SCAPER: variants seen among roughly 807,000 people sequenced by gnomAD.
SCAPER encodes the protein S-phase cyclin A associated protein in the ER.
Under a neutral mutation model 182.2 loss-of-function variants are expected in SCAPER, and 98 were observed. That is an observed-to-expected ratio of 0.54 (90% confidence interval 0.46 to 0.64). SCAPER has a LOEUF of 0.64. Among genes scored for constraint, SCAPER ranks in the 30% least tolerant of loss-of-function variants. SCAPER has a pLI of 0.00. For missense variants in SCAPER, 1,432 were observed against 1,690.0 expected, an observed-to-expected ratio of 0.85 and a Z score of 2.68; for synonymous variants, 605 against 564.6, an observed-to-expected ratio of 1.07 and a Z score of -1.01.
At chr15:76,711,520 C>G (rs1428859678) in intron 17 of SCAPER, among the ~76,000 whole-genome samples, 3 of 152,118 alleles carry the variant, frequency 2.0e-5, no homozygotes, top group African/African-American at 7.2e-5. Context: ...AAAAACTGAT[C>G]CACCAAATGG....
chr15:76,373,052 C>CTT (rs1159801386), intron 29 of SCAPER, among the ~76,000 whole-genome samples: 6 of 144,474 alleles, frequency 4.2e-5, no homozygotes, highest in East Asian at 2.0e-4. Flanking sequence ...TTCTTTCTTT[C>CTT]TTTTTTTTTT....
intron 22 of SCAPER, among the ~76,000 whole-genome samples, chr15:76,585,592 G>A (rs2048591433): frequency 6.6e-6 from 1 of 152,146 alleles, no homozygotes; most frequent in Admixed American, 6.5e-5. Context: ...AAAATCAGCA[G>A]TACTGAGGGA....
At chr15:76,590,991 A>G (rs962966218) in intron 22 of SCAPER, among the ~76,000 whole-genome samples, 4 of 152,222 alleles carry the variant, frequency 2.6e-5, no homozygotes, top group Non-Finnish European at 5.9e-5. Flanking sequence ...ATGTGTACAC[A>G]TGGACATAGA....
chr15:76,567,632 G>GTCCTGATATTA (rs2047138072), intron 23 of SCAPER, among the ~76,000 whole-genome samples: 1 of 152,124 alleles, frequency 6.6e-6, no homozygotes, highest in African/African-American at 2.4e-5. Context: ...TATTAAAGAG[G>GTCCTGATATTA]TTGACTATCT....
At chr15:76,765,746 TA>T in intron 11 of SCAPER, 108 bp from the exon 12 acceptor site, 1 of 932,764 alleles carries the variant, frequency 1.1e-6, no homozygotes. Context: ...ATATTCTATT[TA>T]ACCAACAGTT....
At chr15:76,631,220 T>G (rs764130836) in intron 21 of SCAPER, among the ~76,000 whole-genome samples, 35 of 152,242 alleles carry the variant, frequency 2.3e-4, no homozygotes, top group Non-Finnish European at 4.3e-4. Context: ...TGCAGCACAC[T>G]GATGGATCTT....
intron 1 of SCAPER, among the ~76,000 whole-genome samples, chr15:76,889,550 C>A (rs1595919093): frequency 6.6e-6 from 1 of 152,090 alleles, no homozygotes; most frequent in Admixed American, 6.6e-5. Flanking sequence ...GACTTCAAAC[C>A]AACACAGATC....
intron 20 of SCAPER, among the ~76,000 whole-genome samples, chr15:76,699,830 T>C (rs571657542): frequency 1.1e-4 from 17 of 152,326 alleles, no homozygotes; most frequent in Admixed American, 9.8e-4. Context: ...ATGCACGCAG[T>C]TGCAGCTGGC....
chr15:76,430,577 T>G (rs1167954205), intron 26 of SCAPER, among the ~76,000 whole-genome samples: 1 of 152,240 alleles, frequency 6.6e-6, no homozygotes, highest in Admixed American at 6.5e-5. Context: ...GGATTTGGAC[T>G]GGCATGGGGC....
At chr15:76,753,715 C>T in intron 15 of SCAPER, 93 bp downstream of exon 15, 1 of 1,374,726 alleles carries the variant, frequency 7.3e-7, no homozygotes, top group Non-Finnish European at 9.8e-7. Context: ...ACAGAATAAA[C>T]ATTGGATAAA....
At chr15:76,717,565 T>C (rs2059955607) in intron 17 of SCAPER, among the ~76,000 whole-genome samples, 1 of 152,172 alleles carries the variant, frequency 6.6e-6, no homozygotes, top group African/African-American at 2.4e-5. Flanking sequence ...CTAGTTTTTG[T>C]ATGTGCCAGA....
chr15:76,692,272 A>C (rs1391746677), intron 20 of SCAPER, among the ~76,000 whole-genome samples: 1 of 151,996 alleles, frequency 6.6e-6, no homozygotes, highest in Non-Finnish European at 1.5e-5. Context: ...AATGAGTGGA[A>C]GTGAGTAATA....
chr15:76,384,851 T>C (rs571156419), intron 27 of SCAPER, among the ~76,000 whole-genome samples: 1 of 152,346 alleles, frequency 6.6e-6, no homozygotes, highest in East Asian at 1.9e-4. Context: ...TGGCTTCTGT[T>C]GGTCTTAACT....
chr15:76,354,240 G>T lies in SCAPER; in HGVS notation c.3856-100C>A. Reference sequence around the variant, plus strand: ...CTAGTACCATGGAAAACATGCTGAAGGAGTGTAAAGAAAAAGACTCCTGAC... The same window carrying T: ...CTAGTACCATGGAAAACATGCTGAATGAGTGTAAAGAAAAAGACTCCTGAC... On this transcript the variant is annotated intron_variant, in intron 29 of 31. Transcript: ENST00000563290. This position sits in a 1 kb window ranked among gnomAD's most constrained non-coding sequence, Gnocchi z 4.4. The T allele has an allele frequency of 9.0e-7, 1 of 1,108,048 alleles. No homozygotes were observed. 68.6% of individuals were successfully genotyped at this position (1,108,048 alleles called of 1,614,324 possible).
Position 76,376,171 on chromosome 15 carries a change from T to C in SCAPER, c.3846A>G (p.Pro1282=), listed in dbSNP as rs780435349. 10 of 1,613,870 alleles carry C rather than the reference T, an allele frequency of 6.2e-6. No homozygotes were observed. The highest frequency in any genetic ancestry group is 8.5e-6 in the Non-Finnish European group (10 of 1,179,870). The change falls in exon 29 of 32, where the codon CCA becomes CCG. Residue 1282 remains proline, a synonymous_variant. Coordinates refer to ENST00000563290, the MANE Select transcript of SCAPER (RefSeq NM_020843.4). ...VCVGYFTVNH[P]DNQVIVQSGR... ...TTCCAGGGCCTCTTACCTGGTTATC[T>C]GGGTGGTTGACAGTGAAGTAGCCCA...
intron 21 of SCAPER, among the ~76,000 whole-genome samples, chr15:76,662,576 T>C (rs1193494977): frequency 6.6e-6 from 1 of 152,136 alleles, no homozygotes; most frequent in East Asian, 1.9e-4. Flanking sequence ...TCCAGAAATA[T>C]ATTTAAACTA....
intron 4 of SCAPER, among the ~76,000 whole-genome samples, chr15:76,848,785 T>G (rs949976582): frequency 6.6e-6 from 1 of 152,214 alleles, no homozygotes; most frequent in East Asian, 1.9e-4. Context: ...ACTGGTTTTT[T>G]AGTATTTTTT....
At position 76,421,070 on chromosome 15, in the gene SCAPER, A is replaced by G. The variant is rs188747514; in HGVS notation, c.3311+13008T>C. On this transcript the variant is annotated intron_variant, in intron 26 of 31. Transcript: ENST00000563290. ...AGTCTTTGCTATTGTGAATAGTGCCACAATAAACATACGTGTGCATGTGTC... is the reference window on the plus strand; with the variant it reads ...AGTCTTTGCTATTGTGAATAGTGCCGCAATAAACATACGTGTGCATGTGTC... Among the ~76,000 whole-genome samples the G allele has an allele frequency of 4.2e-3, 642 of 152,268 alleles. 7 individuals are homozygous for G. Among genetic ancestry groups the G allele is most frequent in the African/African-American group, 0.015 (617 of 41,546 alleles).
intron 20 of SCAPER, among the ~76,000 whole-genome samples, chr15:76,679,769 C>T (rs1374658557): frequency 1.3e-5 from 2 of 152,154 alleles, no homozygotes; most frequent in Non-Finnish European, 2.9e-5. Context: ...TGGTAGGTGG[C>T]AATGATGAAT....
Sources: gnomAD v4.1 joint callset for allele counts (sites outside exome capture counted in the v4.1 genomes callset) on GRCh38, gnomAD v4.1.1 for gene constraint, Gnocchi (gnomAD v3.1) non-coding constraint, MANE v1.5 for transcripts, NCBI Gene and HGNC (gene_info 2026-07-23, HGNC 2026-07-21) for gene names.